Variants in GPHN observed in about 807,000 individuals in gnomAD.
GPHN encodes the protein gephyrin.
GPHN carries 17 observed loss-of-function variants against 95.5 expected under a neutral mutation model. The ratio of observed to expected loss-of-function variants is 0.18; its 90% CI spans 0.12 to 0.27. The LOEUF is 0.27. GPHN is among the 10% of genes least tolerant of loss of function. The probability of loss-of-function intolerance (pLI) is 1.00; values close to 1 mark genes in which losing one functional copy is unlikely to be tolerated. For missense variants in GPHN, 660 were observed against 978.1 expected (o/e 0.67, Z 4.34); for synonymous variants, 320 against 322.5 (o/e 0.99, Z 0.08).
chr14:67,690,271 T>C, the GPHN span: 5 of 1,614,046 alleles, frequency 3.1e-6, no homozygotes, highest in African/African-American at 6.7e-5. Context: ...GCTGTGACAG[T>C]AGGCCAGGCC....
At chr14:67,392,662 A>T in the GPHN span, 1 of 1,608,450 alleles carries the variant, frequency 6.2e-7, no homozygotes, top group East Asian at 2.2e-5. Flanking sequence ...CCCAACTTAC[A>T]AAAGTGTACA....
intron 1 of GPHN, among the ~76,000 whole-genome samples, chr14:66,661,434 C>G (rs975453390): frequency 6.6e-6 from 1 of 152,096 alleles, no homozygotes; most frequent in Non-Finnish European, 1.5e-5. Flanking sequence ...GAGGGACCCT[C>G]AATCCAAATC....
chr14:66,805,924 T>C (rs112165784), intron 3 of GPHN, among the ~76,000 whole-genome samples: 2,381 of 152,306 alleles, frequency 0.016, 33 homozygotes, highest in Non-Finnish European at 0.018. Context: ...CTCACAGCTC[T>C]GCTAGGCACT....
chr14:67,014,833 A>G (rs1191638999), intron 9 of GPHN, among the ~76,000 whole-genome samples: 1 of 152,188 alleles, frequency 6.6e-6, no homozygotes, highest in East Asian at 1.9e-4. Context: ...TTTTCTTCAT[A>G]TTTATGATCA....
Position 66,806,413 on chromosome 14 carries a change from A to G in GPHN, c.202-18061A>G, listed in dbSNP as rs529365836. Among the ~76,000 whole-genome samples, 366 of 152,292 alleles carry G rather than the reference A, an allele frequency of 2.4e-3. 4 individuals are homozygous for G. Among genetic ancestry groups the G allele is most frequent in the African/African-American group, 8.3e-3 (345 of 41,560 alleles). ...ATTCGGCTCCTTGTTACTCATGCAG[A>G]TTTCTGCAGCCAGCTTGAATTTCTC... On this transcript the variant is annotated intron_variant, in intron 3 of 22. Coordinates refer to ENST00000478722, the MANE Select transcript of GPHN (RefSeq NM_020806.5).
the GPHN span, chr14:67,473,395 C>T: frequency 6.8e-6 from 11 of 1,607,654 alleles, no homozygotes; most frequent in Non-Finnish European, 9.3e-6. This position sits in a 1 kb window ranked among gnomAD's most constrained non-coding sequence, Gnocchi z 6.5. Flanking sequence ...ATGAGAGATC[C>T]CCAGGCCCCC....
chr14:67,659,863 C>T, the GPHN span: 52 of 1,614,074 alleles, frequency 3.2e-5, no homozygotes, highest in Middle Eastern at 3.3e-4. Context: ...GAAGCTTAGA[C>T]ATCATGGGGT....
the GPHN span, among the ~76,000 whole-genome samples, chr14:67,604,422 T>C: frequency 1.4e-4 from 21 of 152,194 alleles, no homozygotes; most frequent in Non-Finnish European, 2.8e-4. Context: ...CTTGCGGGCA[T>C]GGTGGCTCAT....
At chr14:67,685,759 G>GTGT in the GPHN span, among the ~76,000 whole-genome samples, 2 of 151,982 alleles carry the variant, frequency 1.3e-5, no homozygotes, top group African/African-American at 4.8e-5. Flanking sequence ...GGGACTACAG[G>GTGT]GGTGCGCCAC....
intron 1 of GPHN, among the ~76,000 whole-genome samples, chr14:66,584,662 T>C (rs1595086512): frequency 6.6e-6 from 1 of 152,162 alleles, no homozygotes; most frequent in East Asian, 1.9e-4. Context: ...GTTTTCGTCT[T>C]TGGTTTTGTT....
intron 1 of GPHN, chr14:66,551,097 T>A (rs1389775694): frequency 1.3e-5 from 2 of 154,226 alleles, no homozygotes; most frequent in African/African-American, 4.8e-5. Flanking sequence ...GACCTTGTGA[T>A]CCACCCATCT....
the GPHN span, chr14:67,203,403 G>A: frequency 6.1e-5 from 51 of 837,682 alleles, no homozygotes; most frequent in African/African-American, 5.7e-4. Context: ...CATGTTACTC[G>A]CACTCCCTGC....
intron 4 of GPHN, among the ~76,000 whole-genome samples, chr14:66,871,512 G>T (rs1364664808): frequency 1.3e-5 from 2 of 152,134 alleles, no homozygotes; most frequent in Admixed American, 6.5e-5. Context: ...CCTTGAGAAG[G>T]TGTTAACCTC....
At chr14:67,291,916 A>G in the GPHN span, among the ~76,000 whole-genome samples, 1 of 152,230 alleles carries the variant, frequency 6.6e-6, no homozygotes, top group Non-Finnish European at 1.5e-5. Context: ...AATCTTATCT[A>G]AAAGTTCTAT....
chr14:66,657,106 A>G (rs1266069741), intron 1 of GPHN, among the ~76,000 whole-genome samples: 3 of 152,216 alleles, frequency 2.0e-5, no homozygotes, highest in Non-Finnish European at 4.4e-5. Context: ...CATGAATGAT[A>G]AGAAAGTAAA....
chr14:67,505,348 G>A, the GPHN span, among the ~76,000 whole-genome samples: 2 of 152,136 alleles, frequency 1.3e-5, no homozygotes, highest in Non-Finnish European at 2.9e-5. Flanking sequence ...GACCACTCAG[G>A]AAACTTGATG....
At chr14:66,868,308 A>G (rs969632568) in intron 4 of GPHN, among the ~76,000 whole-genome samples, 3 of 152,320 alleles carry the variant, frequency 2.0e-5, no homozygotes, top group Non-Finnish European at 2.9e-5. Flanking sequence ...CTATAAAAAT[A>G]AGTGAAAGCA....
chr14:67,647,640 T>C, the GPHN span: 1 of 158,992 alleles, frequency 6.3e-6, no homozygotes, highest in Non-Finnish European at 1.4e-5. Context: ...AGAGCAACCA[T>C]AACTTACATC....
At chr14:66,832,180 G>C (rs1473765972) in intron 4 of GPHN, among the ~76,000 whole-genome samples, 2 of 152,010 alleles carry the variant, frequency 1.3e-5, no homozygotes, top group Non-Finnish European at 2.9e-5. Flanking sequence ...TATAAGGAAG[G>C]TACTATTTAT....
Sources: gnomAD v4.1 joint callset for allele counts (sites outside exome capture counted in the v4.1 genomes callset) on GRCh38, gnomAD v4.1.1 for gene constraint, Gnocchi (gnomAD v3.1) non-coding constraint, MANE v1.5 for transcripts, NCBI Gene and HGNC (gene_info 2026-07-23, HGNC 2026-07-21) for gene names.